Variants in SLC25A36 observed in about 807,000 individuals in gnomAD.
SLC25A36 encodes epididymis secretory sperm binding protein.
In SLC25A36, 24 loss-of-function variants were observed where a neutral mutation model predicts 35.3. The observed-to-expected ratio is 0.68, with a 90% CI of 0.49 to 0.96. The LOEUF is 0.96. Among genes scored for constraint, SLC25A36 ranks in the 40% least tolerant of loss-of-function variants. SLC25A36 has a pLI of 0.00. For missense variants in SLC25A36, 294 were observed against 381.1 expected, an observed-to-expected ratio of 0.77 and a Z score of 1.90; for synonymous variants, 141 against 132.2, an observed-to-expected ratio of 1.07 and a Z score of -0.46.
In SLC25A36 at chr3:140,947,376, T is replaced by G. The variant is rs182477048; in HGVS notation, c.41+5281T>G. Among the ~76,000 whole-genome samples the G allele has an allele frequency of 5.0e-3, 759 of 152,244 alleles. 9 individuals are homozygous for G. Among genetic ancestry groups the G allele is most frequent in the African/African-American group, 0.015 (632 of 41,544 alleles). On this transcript the variant is annotated intron_variant, in intron 1 of 6. Transcript: ENST00000324194. ...AGCCTATTTTGTTCCTATAATGGAT[T>G]TTTTTTATTTCTCAGTCTCGTATCT...
chr3:140,963,322 T>C, intron 4 of SLC25A36, 95 bp downstream of exon 4: 1 of 780,374 alleles, frequency 1.3e-6, no homozygotes, highest in Non-Finnish European at 2.0e-6. Flanking sequence ...TGATGATTAA[T>C]GTGCTTTTCA....
At chr3:140,951,257 T>A (rs1379376496) in intron 1 of SLC25A36, among the ~76,000 whole-genome samples, 1 of 152,194 alleles carries the variant, frequency 6.6e-6, no homozygotes, top group Admixed American at 6.5e-5. Flanking sequence ...AAAAGATAAA[T>A]CTAATGTAGT....
intron 4 of SLC25A36, among the ~76,000 whole-genome samples, chr3:140,969,989 A>T (rs1934860627): frequency 6.6e-6 from 1 of 151,754 alleles, no homozygotes; most frequent in Admixed American, 6.6e-5. Context: ...GTAAATTAAA[A>T]CCCTGTTTTG....
intron 1 of SLC25A36, 54 bp downstream of exon 1, chr3:140,942,149 C>G (rs1411832380): frequency 3.0e-6 from 1 of 331,976 alleles, no homozygotes; most frequent in Non-Finnish European, 4.6e-6. Context: ...GGGCCGAAGA[C>G]GCAGGCGAGG....
chr3:140,948,917 A>C (rs1357596039), intron 1 of SLC25A36, among the ~76,000 whole-genome samples: 1 of 152,130 alleles, frequency 6.6e-6, no homozygotes, highest in African/African-American at 2.4e-5. Flanking sequence ...TCTGCTATTC[A>C]TATTCACTTA....
chr3:140,967,746 C>T (rs796165563), intron 4 of SLC25A36, among the ~76,000 whole-genome samples: 10 of 151,870 alleles, frequency 6.6e-5, no homozygotes, highest in African/African-American at 2.4e-4. Flanking sequence ...TTTAAAGTAG[C>T]ATTTTTAAAA....
chr3:140,951,738 G>T (rs183035018), intron 1 of SLC25A36, among the ~76,000 whole-genome samples: 15 of 151,800 alleles, frequency 9.9e-5, no homozygotes, highest in Non-Finnish European at 1.2e-4. Context: ...CAAATGATCC[G>T]GCTTCCTCGG....
At chr3:140,961,983 C>T (rs948526256) in intron 3 of SLC25A36, among the ~76,000 whole-genome samples, 3 of 146,770 alleles carry the variant, frequency 2.0e-5, no homozygotes, top group Admixed American at 6.9e-5. Flanking sequence ...AGGGATTTTT[C>T]ACTGTTTTAA....
chr3:140,968,861 A>C (rs549316384), intron 4 of SLC25A36: 1 of 268,816 alleles, frequency 3.7e-6, no homozygotes, highest in South Asian at 1.4e-4. Context: ...GCTGTTTTTT[A>C]AAAAGTTTGA....
Position 140,976,470 on chromosome 3 carries a change from G to A in SLC25A36, c.*17G>A, listed in dbSNP as rs367703117. ...AATGGATAGCAGCACGAGGACTGCTGTACTGCAAAAAAAGAAGACCAAAAG... is the reference window on the plus strand; with the variant it reads ...AATGGATAGCAGCACGAGGACTGCTATACTGCAAAAAAAGAAGACCAAAAG... On this transcript the variant is annotated 3_prime_UTR_variant, in exon 7 of 7. Transcript: ENST00000324194. The A allele has an allele frequency of 3.4e-5, 54 of 1,576,090 alleles. No homozygotes were observed. Among genetic ancestry groups the A allele is most frequent in the Middle Eastern group, 1.7e-4 (1 of 5,880 alleles).
chr3:140,980,093 TATCTGTTAG>T lies in SLC25A36; in HGVS notation c.*3645_*3653del, dbSNP rs1340669438. On this transcript the variant is annotated 3_prime_UTR_variant, in exon 7 of 7. Transcript: ENST00000324194. ...AGCAAACCTTATCTTGAGCACTTTG[TATCTGTTAG>T]ATCTAGTGATGTCTGAAGGAACCCA... Among the ~76,000 whole-genome samples, 1 of 152,226 alleles carries T rather than the reference TATCTGTTAG, an allele frequency of 6.6e-6. No homozygotes were observed. Among genetic ancestry groups the T allele is most frequent in the Non-Finnish European group, 1.5e-5 (1 of 68,038 alleles).
chr3:140,964,920 CT>C (rs1559815109), intron 4 of SLC25A36: 1 of 151,778 alleles, frequency 6.6e-6, no homozygotes, highest in Non-Finnish European at 1.5e-5. Context: ...TCAGTTTGCA[CT>C]TTTTTCTCAA....
At chr3:140,973,105 T>C (rs1934948284) in intron 5 of SLC25A36, 1 of 152,146 alleles carries the variant, frequency 6.6e-6, no homozygotes, top group Non-Finnish European at 1.5e-5. Context: ...CACTACAGTT[T>C]CTCATTTACT....
At chr3:140,963,303 G>A (rs1350625402) in intron 4 of SLC25A36, 76 bp downstream of exon 4, 1 of 921,846 alleles carries the variant, frequency 1.1e-6, no homozygotes, top group Non-Finnish European at 1.6e-6. Flanking sequence ...TAAGTTTGTA[G>A]TGAAAAGTTG....
chr3:140,976,159 C>T, intron 6 of SLC25A36, 101 bp from the exon 7 acceptor site: 1 of 777,848 alleles, frequency 1.3e-6, no homozygotes, highest in Non-Finnish European at 2.0e-6. Context: ...CTTTTTTATC[C>T]TGAGCTTACA....
intron 4 of SLC25A36, chr3:140,968,071 G>A (rs1934808221): frequency 2.0e-6 from 2 of 985,010 alleles, no homozygotes; most frequent in Non-Finnish European, 2.4e-6. Flanking sequence ...TTTAGCTTGG[G>A]CTAACCTCAA....
At chr3:140,943,427 A>G (rs893697268) in intron 1 of SLC25A36, among the ~76,000 whole-genome samples, 5 of 152,200 alleles carry the variant, frequency 3.3e-5, no homozygotes, top group Admixed American at 6.5e-5. Flanking sequence ...ATATTTTTCT[A>G]TTGATCTGTG....
rs1194548111 is a variant in SLC25A36, at chr3:140,979,533, G to C, written c.*3080G>C. On this transcript the variant is annotated 3_prime_UTR_variant, in exon 7 of 7. Coordinates refer to ENST00000324194, the MANE Select transcript of SLC25A36 (RefSeq NM_001104647.3). ...TGACTTTAACATTCCTAAGAATATA[G>C]GTATTTCTGAATGATTTAAATTTGA... is the stretch of plus-strand genomic sequence containing the variant. 6.6e-6 allele frequency: 1 copy of C among 151,956 alleles called. No homozygotes were observed. The highest frequency in any genetic ancestry group is 1.5e-5 in the Non-Finnish European group (1 of 67,976). The allele number at this position is 151,956 out of a possible 1,614,324, so 9.4% of individuals were successfully genotyped here.
intron 1 of SLC25A36, among the ~76,000 whole-genome samples, chr3:140,947,020 G>C (rs1576475603): frequency 1.3e-5 from 2 of 152,022 alleles, no homozygotes; most frequent in South Asian, 4.1e-4. Context: ...AGAGGAATGA[G>C]GAGAAGAGGA....
Sources: gnomAD v4.1 joint callset for allele counts (sites outside exome capture counted in the v4.1 genomes callset) on GRCh38, gnomAD v4.1.1 for gene constraint, MANE v1.5 for transcripts, NCBI Gene and HGNC (gene_info 2026-07-23, HGNC 2026-07-21) for gene names.